ZFHX3: variants seen among roughly 807,000 people sequenced by gnomAD.
ZFHX3 encodes zinc finger homeobox protein 3.
A neutral mutation model predicts 279.1 loss-of-function variants in ZFHX3; 42 were observed. The observed-to-expected ratio is 0.15, with a 90% CI of 0.12 to 0.19. The LOEUF is 0.19. Ranked by LOEUF, ZFHX3 falls within the 10% of genes least tolerant of loss-of-function variation. The pLI is 1.00. For synonymous variants in ZFHX3, 2,293 were observed against 1,957.8 expected (o/e 1.17, Z -4.52); for missense variants, 4,981 against 4,754.0 (o/e 1.05, Z -1.40).
intron 3 of ZFHX3, among the ~76,000 whole-genome samples, chr16:73,445,570 C>G (rs2018172863): frequency 2.6e-5 from 4 of 152,186 alleles, no homozygotes; most frequent in Non-Finnish European, 5.9e-5. Flanking sequence ...CAGGCCTGCT[C>G]TACCCAGACG....
At chr16:73,843,075 T>A (rs1961353603) in intron 1 of ZFHX3, among the ~76,000 whole-genome samples, 1 of 152,218 alleles carries the variant, frequency 6.6e-6, no homozygotes, top group Non-Finnish European at 1.5e-5. Context: ...CTTTCTTTGT[T>A]TTTGCAGAAT....
chr16:73,751,696 G>T (rs1243728829), intron 1 of ZFHX3, among the ~76,000 whole-genome samples: 1 of 152,016 alleles, frequency 6.6e-6, no homozygotes, highest in East Asian at 1.9e-4. Context: ...AGAAGTTAGG[G>T]GTCCTGAGAG....
At chr16:72,872,171 T>G in intron 4 of ZFHX3, among the ~76,000 whole-genome samples, 1 of 152,312 alleles carries the variant, frequency 6.6e-6, no homozygotes. Flanking sequence ...CCAGTCCAAT[T>G]ATATAATTTT....
intron 4 of ZFHX3, among the ~76,000 whole-genome samples, chr16:73,308,306 T>C (rs1248896916): frequency 1.5e-5 from 2 of 132,938 alleles, no homozygotes; most frequent in Non-Finnish European, 3.3e-5. Context: ...AGACAGAGTT[T>C]CACTCTTGTC....
chr16:73,322,036 G>A (rs2015584828), intron 3 of ZFHX3, among the ~76,000 whole-genome samples: 1 of 152,198 alleles, frequency 6.6e-6, no homozygotes. Flanking sequence ...CAACCAAAAG[G>A]CATCAAAGCC....
At chr16:73,507,395 A>G (rs1040778740) in intron 2 of ZFHX3, among the ~76,000 whole-genome samples, 4 of 151,438 alleles carry the variant, frequency 2.6e-5, no homozygotes, top group African/African-American at 9.7e-5. Context: ...AACCATTTAA[A>G]CCAGGTACTT....
chr16:72,796,745 G>A lies in ZFHX3; in HGVS notation c.5937C>T (p.Asn1979=). 6.2e-7 allele frequency: 1 copy of A among 1,613,732 alleles called. No individual in the cohort carries two copies. Residue 1979 remains asparagine, a synonymous_variant, in exon 9 of 10, where the codon AAC becomes AAT. Coordinates refer to ENST00000268489, the MANE Select transcript of ZFHX3 (RefSeq NM_006885.4). ...AGGAGTCACACTCGAGCTTTTCCAG[G>A]TTCTCTCCCTGGTCAGTCTTCCCAT... ...KKNGKTDQGE[N]LEKLECDSCG...
intron 4 of ZFHX3, among the ~76,000 whole-genome samples, chr16:72,878,805 C>G (rs1760376767): frequency 6.6e-6 from 1 of 152,196 alleles, no homozygotes; most frequent in Non-Finnish European, 1.5e-5. Context: ...CTGCTGCTGT[C>G]TACAGCAGCC....
At chr16:73,385,471 T>C (rs2016884088) in intron 3 of ZFHX3, among the ~76,000 whole-genome samples, 1 of 152,136 alleles carries the variant, frequency 6.6e-6, no homozygotes, top group African/African-American at 2.4e-5. Context: ...TTATAGGCCC[T>C]GGCAGCTCCA....
chr16:73,529,809 C>A (rs1381106831), intron 2 of ZFHX3, among the ~76,000 whole-genome samples: 1 of 152,128 alleles, frequency 6.6e-6, no homozygotes, highest in South Asian at 2.1e-4. Flanking sequence ...ACTGATGCAC[C>A]TGTTTCTCCG....
intron 5 of ZFHX3, among the ~76,000 whole-genome samples, chr16:73,219,956 C>T (rs1280471962): frequency 2.0e-5 from 3 of 151,976 alleles, no homozygotes; most frequent in Admixed American, 2.0e-4. Flanking sequence ...TGTGGTGACA[C>T]GTGCCTGTAA....
chr16:73,402,707 C>T (rs930490030), intron 3 of ZFHX3, among the ~76,000 whole-genome samples: 1 of 151,992 alleles, frequency 6.6e-6, no homozygotes, highest in Non-Finnish European at 1.5e-5. Flanking sequence ...GTTTTAATAC[C>T]TTTTTTAAAG....
intron 1 of ZFHX3, among the ~76,000 whole-genome samples, chr16:72,965,790 G>A (rs933804278): frequency 3.9e-5 from 6 of 152,178 alleles, no homozygotes; most frequent in Non-Finnish European, 7.3e-5. Context: ...AGCATATACT[G>A]TAAGTTCTTC....
chr16:73,386,193 C>CGTCTCT (rs148619282), intron 3 of ZFHX3, among the ~76,000 whole-genome samples: 52,171 of 151,586 alleles, frequency 0.34, 10,383 homozygotes, highest in Non-Finnish European at 0.46. Flanking sequence ...TCTCTCCCAC[C>CGTCTCT]GTCTCTGTCT....
At chr16:73,657,594 C>T (rs1026236131) in intron 2 of ZFHX3, among the ~76,000 whole-genome samples, 1 of 152,164 alleles carries the variant, frequency 6.6e-6, no homozygotes, top group African/African-American at 2.4e-5. Flanking sequence ...ATCACCCTCT[C>T]AAACCCCCAT....
chr16:73,501,534 G>A (rs754492838), intron 2 of ZFHX3, among the ~76,000 whole-genome samples: 3 of 152,068 alleles, frequency 2.0e-5, no homozygotes, highest in Admixed American at 6.6e-5. Flanking sequence ...ATGGGTCACC[G>A]TCAATAATCA....
At chr16:72,853,289 AAC>A (rs1303505068) in intron 4 of ZFHX3, among the ~76,000 whole-genome samples, 1 of 152,244 alleles carries the variant, frequency 6.6e-6, no homozygotes, top group African/African-American at 2.4e-5. Flanking sequence ...TCTACCACCA[AAC>A]ACAATAAGAA....
intron 1 of ZFHX3, among the ~76,000 whole-genome samples, chr16:73,773,106 T>C (rs991513382): frequency 1.3e-5 from 2 of 152,174 alleles, no homozygotes; most frequent in African/African-American, 4.8e-5. Flanking sequence ...AGTAAATAAA[T>C]GGAAATAAGA....
At chr16:73,738,403 G>A (rs2053626529) in intron 1 of ZFHX3, among the ~76,000 whole-genome samples, 1 of 152,042 alleles carries the variant, frequency 6.6e-6, no homozygotes, top group South Asian at 2.1e-4. Flanking sequence ...TGACACTGAA[G>A]GATCATGTTT....
Sources: allele counts gnomAD v4.1 joint callset (sites outside exome capture counted in the v4.1 genomes callset), GRCh38; gene constraint gnomAD v4.1.1; transcripts MANE v1.5; gene names NCBI Gene and HGNC (gene_info 2026-07-23, HGNC 2026-07-21).